Variants in GRIP1 observed in about 807,000 individuals in gnomAD.
GRIP1 encodes the protein glutamate receptor interacting protein 1.
Under a neutral mutation model 129.9 loss-of-function variants are expected in GRIP1, and 45 were observed. The observed-to-expected ratio is 0.35, with a 90% confidence interval of 0.27 to 0.44. The LOEUF (loss-of-function observed/expected upper bound fraction) is 0.44, where lower values mean the gene tolerates loss of function less well. Among genes scored for constraint, GRIP1 ranks in the 20% least tolerant of loss-of-function variants. The pLI, the probability that GRIP1 is intolerant of heterozygous loss-of-function variation, is 1.00. For missense variants in GRIP1, 1,196 were observed against 1,396.8 expected (o/e 0.86, Z 2.29); for synonymous variants, 530 against 520.8 (o/e 1.02, Z -0.24).
At chr12:67,015,547 A>G (rs2042773296) in intron 1 of GRIP1, among the ~76,000 whole-genome samples, 1 of 152,188 alleles carries the variant, frequency 6.6e-6, no homozygotes. Flanking sequence ...GAAGCACTCT[A>G]AAAAGACTTC....
At chr12:66,822,110 G>C (rs1325574962) in intron 1 of GRIP1, among the ~76,000 whole-genome samples, 19 of 152,144 alleles carry the variant, frequency 1.2e-4, no homozygotes, top group Non-Finnish European at 1.5e-5. Context: ...AGGTGAGCTA[G>C]GAAGAAAGGA....
At chr12:66,695,910 G>A (rs1482962898) in intron 1 of GRIP1, among the ~76,000 whole-genome samples, 12 of 152,180 alleles carry the variant, frequency 7.9e-5, no homozygotes, top group Non-Finnish European at 7.3e-5. Flanking sequence ...CACAGAGGAG[G>A]TGGGACTGGA....
intron 1 of GRIP1, among the ~76,000 whole-genome samples, chr12:66,599,855 T>C (rs1468389313): frequency 1.3e-5 from 2 of 152,228 alleles, no homozygotes; most frequent in African/African-American, 4.8e-5. Context: ...AGGGCACACA[T>C]CTAAATTGAG....
At chr12:66,659,464 T>G (rs56291237) in intron 1 of GRIP1, among the ~76,000 whole-genome samples, 43,096 of 152,146 alleles carry the variant, frequency 0.28, 6,554 homozygotes, top group Middle Eastern at 0.4. Flanking sequence ...GCAAACAACT[T>G]TGCTCTATTT....
chr12:66,575,494 T>C (rs998777334), intron 2 of GRIP1, among the ~76,000 whole-genome samples: 1 of 152,224 alleles, frequency 6.6e-6, no homozygotes, highest in African/African-American at 2.4e-5. Context: ...ACCACTTCAT[T>C]TATTATAAAC....
chr12:67,014,438 A>G (rs2042754206), intron 1 of GRIP1, among the ~76,000 whole-genome samples: 1 of 152,198 alleles, frequency 6.6e-6, no homozygotes. Flanking sequence ...AAACAAGAAT[A>G]TGTAGAAAAT....
intron 1 of GRIP1, among the ~76,000 whole-genome samples, chr12:66,924,096 C>T (rs1173755821): frequency 2.0e-5 from 3 of 152,238 alleles, no homozygotes; most frequent in South Asian, 2.1e-4. Context: ...TCACCCCCCT[C>T]GGCCTCCCAA....
At chr12:66,678,129 AG>A (rs1412871067) in intron 1 of GRIP1, among the ~76,000 whole-genome samples, 2 of 152,204 alleles carry the variant, frequency 1.3e-5, no homozygotes, top group Non-Finnish European at 2.9e-5. Context: ...ATGCTCACAA[AG>A]TAAACGAGAT....
At chr12:66,811,314 A>G (rs550176447) in intron 1 of GRIP1, among the ~76,000 whole-genome samples, 1 of 152,306 alleles carries the variant, frequency 6.6e-6, no homozygotes, top group South Asian at 2.1e-4. Flanking sequence ...TGACTATTAT[A>G]AGGATTTCAA....
chr12:66,939,413 T>C (rs994414252), intron 1 of GRIP1, among the ~76,000 whole-genome samples: 5 of 152,176 alleles, frequency 3.3e-5, no homozygotes, highest in Admixed American at 6.5e-5. Context: ...TCTAGGGATC[T>C]AAAAATGAAT....
chr12:66,497,220 C>A (rs1398132703), intron 7 of GRIP1, among the ~76,000 whole-genome samples: 1 of 152,162 alleles, frequency 6.6e-6, no homozygotes, highest in African/African-American at 2.4e-5. Context: ...AGCTTACCAA[C>A]AAATTACCAT....
chr12:66,369,270 A>C (rs922872029), intron 23 of GRIP1, among the ~76,000 whole-genome samples: 1 of 151,940 alleles, frequency 6.6e-6, no homozygotes, highest in Admixed American at 6.6e-5. Flanking sequence ...CAGATGTTCC[A>C]ACCAGTCCAT....
intron 1 of GRIP1, among the ~76,000 whole-genome samples, chr12:66,793,591 T>C (rs1415721314): frequency 2.6e-5 from 4 of 152,176 alleles, no homozygotes; most frequent in Non-Finnish European, 5.9e-5. Flanking sequence ...CATAACAGCA[T>C]GTTGCGTTTG....
intron 1 of GRIP1, among the ~76,000 whole-genome samples, chr12:66,701,252 T>A (rs541134587): frequency 6.6e-6 from 1 of 152,288 alleles, no homozygotes; most frequent in South Asian, 2.1e-4. Context: ...TTCCTCCTCT[T>A]CATAGCTGCC....
At chr12:66,451,383 G>GTTTGTTTTTT (rs2058794233) in intron 11 of GRIP1, among the ~76,000 whole-genome samples, 1 of 42,650 alleles carries the variant, frequency 2.3e-5, no homozygotes, top group Non-Finnish European at 4.2e-5. Context: ...ATTATAATCT[G>GTTTGTTTTTT]TTTTTTTTTT....
At chr12:66,982,644 GA>G (rs1307702345) in intron 1 of GRIP1, among the ~76,000 whole-genome samples, 1 of 152,170 alleles carries the variant, frequency 6.6e-6, no homozygotes, top group African/African-American at 2.4e-5. Flanking sequence ...CAACGCTTTA[GA>G]AATTGAATTC....
chr12:66,782,712 T>A (rs1283182305), intron 1 of GRIP1, among the ~76,000 whole-genome samples: 3 of 152,188 alleles, frequency 2.0e-5, no homozygotes, highest in Admixed American at 2.0e-4. Flanking sequence ...CCAGTACTCT[T>A]GACTCATGAA....
intron 1 of GRIP1, among the ~76,000 whole-genome samples, chr12:66,889,436 G>A (rs566618116): frequency 6.6e-6 from 1 of 152,252 alleles, no homozygotes; most frequent in East Asian, 1.9e-4. Flanking sequence ...ACTCCAGCCT[G>A]GGCAACAAGA....
chr12:66,973,562 AT>A (rs1282335279), intron 1 of GRIP1, among the ~76,000 whole-genome samples: 1 of 152,112 alleles, frequency 6.6e-6, no homozygotes, highest in African/African-American at 2.4e-5. Context: ...ATATCAAAAA[AT>A]CTGACCTCTA....
Sources: gnomAD v4.1 joint callset for allele counts (sites outside exome capture counted in the v4.1 genomes callset) on GRCh38, gnomAD v4.1.1 for gene constraint, MANE v1.5 for transcripts, NCBI Gene and HGNC (gene_info 2026-07-23, HGNC 2026-07-21) for gene names.